KAZN: variants seen among roughly 807,000 people sequenced by gnomAD.
KAZN encodes the protein kazrin, periplakin interacting protein.
Under a neutral mutation model 87.4 loss-of-function variants are expected in KAZN, and 40 were observed. The ratio of observed to expected loss-of-function variants is 0.46; its 90% CI spans 0.36 to 0.60. KAZN has a LOEUF of 0.60. KAZN is among the 20% of genes least tolerant of loss of function. The probability of loss-of-function intolerance (pLI) is 0.00; values close to 1 mark genes in which losing one functional copy is unlikely to be tolerated. For synonymous variants in KAZN, 466 were observed against 458.3 expected (o/e 1.02, Z -0.22); for missense variants, 898 against 1,073.9 (o/e 0.84, Z 2.29).
intron 1 of KAZN, among the ~76,000 whole-genome samples, chr1:14,158,811 T>C (rs2101819835): frequency 6.6e-6 from 1 of 152,324 alleles, no homozygotes; most frequent in Admixed American, 6.5e-5. Flanking sequence ...TGTCTCTGCT[T>C]TATGGGTCAC....
Position 14,203,130 on chromosome 1 carries a change from C to A in KAZN, c.249+22538C>A, listed in dbSNP as rs543268838. On this transcript the variant is annotated intron_variant, in intron 2 of 16. Coordinates refer to the KAZN transcript ENST00000636203. ...ATACTAGATAATAAATAATAAGAAG[C>A]CTATCGTGACGTATTTTAAGTGGTT... is the stretch of plus-strand genomic sequence containing the variant. Among the ~76,000 whole-genome samples, 128 of 151,684 alleles carry A rather than the reference C, an allele frequency of 8.4e-4. 1 individual carries two copies. Among genetic ancestry groups the A allele is most frequent in the Middle Eastern group, 3.4e-3 (1 of 294 alleles).
At position 14,718,554 on chromosome 1, in the gene KAZN, T is replaced by C. The variant is rs553361540; in HGVS notation, c.226+119331T>C. On this transcript the variant is annotated intron_variant, in intron 1 of 14. Transcript: ENST00000376030. ...TAATTTTCTCTGAATTATGTGTGATTCTCCTTTTTATGTGTCCCTAACATT... is the reference window on the plus strand; with the variant it reads ...TAATTTTCTCTGAATTATGTGTGATCCTCCTTTTTATGTGTCCCTAACATT... Among the ~76,000 whole-genome samples the C allele has an allele frequency of 7.9e-5, 12 of 152,356 alleles. No homozygotes were observed. In the East Asian group the frequency reaches 1.9e-3, roughly 24 times the overall value.
chr1:14,354,925 G>C (rs966624542), intron 2 of KAZN, among the ~76,000 whole-genome samples: 1 of 151,968 alleles, frequency 6.6e-6, no homozygotes, highest in Non-Finnish European at 1.5e-5. Context: ...ATTCATAATA[G>C]TCCAAAATTG....
At chr1:13,967,103 C>T (rs1422946073) in intron 1 of KAZN, among the ~76,000 whole-genome samples, 3 of 152,070 alleles carry the variant, frequency 2.0e-5, no homozygotes, top group African/African-American at 7.2e-5. Context: ...GGATGCAGCA[C>T]AGATTAAAGT....
intron 1 of KAZN, among the ~76,000 whole-genome samples, chr1:13,899,132 CAG>C (rs1457106075): frequency 1.3e-5 from 2 of 152,216 alleles, no homozygotes; most frequent in African/African-American, 4.8e-5. Context: ...CCAGTGGAAA[CAG>C]TGTGTTCTGA....
chr1:14,511,152 A>G (rs776182695), intron 2 of KAZN, among the ~76,000 whole-genome samples: 1 of 152,094 alleles, frequency 6.6e-6, no homozygotes, highest in Non-Finnish European at 1.5e-5. Context: ...TGTGATATTC[A>G]TTCATTTCCA....
intron 1 of KAZN, among the ~76,000 whole-genome samples, chr1:14,025,694 A>G (rs1230370039): frequency 6.6e-6 from 1 of 152,198 alleles, no homozygotes; most frequent in Non-Finnish European, 1.5e-5. Context: ...AGCATTTCAA[A>G]TGTGGCTCAT....
intron 2 of KAZN, among the ~76,000 whole-genome samples, chr1:14,227,422 GTC>G (rs1647391140): frequency 6.6e-6 from 1 of 152,132 alleles, no homozygotes; most frequent in African/African-American, 2.4e-5. Flanking sequence ...CTTCCAGGAT[GTC>G]TCTGCTTCAC....
intron 1 of KAZN, among the ~76,000 whole-genome samples, chr1:14,021,624 T>C (rs1640829223): frequency 6.6e-6 from 1 of 152,176 alleles, no homozygotes; most frequent in Admixed American, 6.5e-5. Context: ...TGAGAATCAT[T>C]ACCTTAAAAC....
chr1:14,592,745 A>G (rs1201626351), intron 2 of KAZN, among the ~76,000 whole-genome samples: 2 of 152,190 alleles, frequency 1.3e-5, no homozygotes, highest in African/African-American at 4.8e-5. Flanking sequence ...AAGAAGCATG[A>G]GAGTTTCTCA....
intron 1 of KAZN, among the ~76,000 whole-genome samples, chr1:14,738,876 A>C (rs1221460905): frequency 1.3e-5 from 2 of 152,136 alleles, no homozygotes; most frequent in African/African-American, 4.8e-5. Flanking sequence ...TCTGAGTTGA[A>C]AACTAGACCC....
At chr1:14,250,458 A>G (rs1205379481) in intron 2 of KAZN, among the ~76,000 whole-genome samples, 3 of 144,602 alleles carry the variant, frequency 2.1e-5, no homozygotes, top group African/African-American at 8.7e-5. Context: ...CAGAATCAGC[A>G]AGACATTCAA....
intron 2 of KAZN, among the ~76,000 whole-genome samples, chr1:14,974,250 T>C (rs557600133): frequency 6.6e-6 from 1 of 152,042 alleles, no homozygotes; most frequent in South Asian, 2.1e-4. Flanking sequence ...CACATTCTGT[T>C]GGTGACAGGC....
intron 2 of KAZN, among the ~76,000 whole-genome samples, chr1:14,465,562 G>A (rs950840346): frequency 2.0e-5 from 3 of 152,254 alleles, no homozygotes; most frequent in Non-Finnish European, 4.4e-5. Context: ...CCCAGAGCGA[G>A]CATTCCAGGG....
At chr1:15,103,498 AT>A (rs972040930) in intron 12 of KAZN, 38 bp downstream of exon 12, 3 of 1,333,746 alleles carry the variant, frequency 2.2e-6, no homozygotes, top group Non-Finnish European at 3.2e-6. Flanking sequence ...ACTCTCGGGC[AT>A]ACACAAACCC....
chr1:14,473,551 G>A (rs1388316621), intron 2 of KAZN, among the ~76,000 whole-genome samples: 8 of 151,512 alleles, frequency 5.3e-5, no homozygotes, highest in Non-Finnish European at 8.8e-5. Flanking sequence ...CGCTTGAACC[G>A]GGGAGGCAGA....
At chr1:14,434,581 A>G (rs544787619) in intron 2 of KAZN, among the ~76,000 whole-genome samples, 1 of 152,198 alleles carries the variant, frequency 6.6e-6, no homozygotes, top group South Asian at 2.1e-4. Flanking sequence ...TTCATGGTGG[A>G]TGATGGAGCT....
At chr1:13,906,440 G>A (rs987718333) in intron 1 of KAZN, among the ~76,000 whole-genome samples, 6 of 152,170 alleles carry the variant, frequency 3.9e-5, no homozygotes, top group Non-Finnish European at 5.9e-5. Flanking sequence ...GTGCTTATAG[G>A]TGTGAGGAAA....
At chr1:14,914,615 G>C (rs1356475787) in intron 1 of KAZN, among the ~76,000 whole-genome samples, 1 of 152,226 alleles carries the variant, frequency 6.6e-6, no homozygotes, top group Non-Finnish European at 1.5e-5. Context: ...TCTGGAAGCA[G>C]TTCCCTAGCC....
Sources: allele counts gnomAD v4.1 joint callset (sites outside exome capture counted in the v4.1 genomes callset), GRCh38; gene constraint gnomAD v4.1.1; transcripts MANE v1.5; gene names NCBI Gene and HGNC (gene_info 2026-07-23, HGNC 2026-07-21).